The following WDFY4 variants were observed in gnomAD, a reference collection of about 807,000 sequenced individuals.
WDFY4 encodes the protein WDFY family member 4.
In WDFY4, 169 loss-of-function variants were observed where a neutral mutation model predicts 351.9. The observed-to-expected ratio is 0.48, with a 90% confidence interval of 0.42 to 0.55. The LOEUF (loss-of-function observed/expected upper bound fraction) is 0.55. Among genes scored for constraint, WDFY4 ranks in the 20% least tolerant of loss-of-function variants. WDFY4 has a pLI of 0.00. For missense variants in WDFY4, 3,803 were observed against 3,935.6 expected, an observed-to-expected ratio of 0.97 and a Z score of 0.90; for synonymous variants, 1,622 against 1,574.6, an observed-to-expected ratio of 1.03 and a Z score of -0.71.
intron 47 of WDFY4, among the ~76,000 whole-genome samples, chr10:48,907,804 A>T (rs1837698003): frequency 6.6e-6 from 1 of 152,212 alleles, no homozygotes; most frequent in Admixed American, 6.5e-5. Context: ...ACCACTGAGT[A>T]GAGAAGCATG....
chr10:48,917,509 G>T (rs773383507), intron 47 of WDFY4, among the ~76,000 whole-genome samples: 3 of 152,168 alleles, frequency 2.0e-5, no homozygotes, highest in Non-Finnish European at 4.4e-5. Context: ...GAACAATGAC[G>T]TATCACCCAC....
intron 12 of WDFY4, among the ~76,000 whole-genome samples, chr10:48,744,120 A>G (rs983260274): frequency 6.6e-6 from 1 of 152,162 alleles, no homozygotes; most frequent in Non-Finnish European, 1.5e-5. Context: ...TTTTCCTCTC[A>G]TGTCTGTAAC....
At chr10:48,856,173 G>A (rs2069125707) in intron 39 of WDFY4, among the ~76,000 whole-genome samples, 1 of 152,104 alleles carries the variant, frequency 6.6e-6, no homozygotes. Flanking sequence ...TCAATCTGTT[G>A]TAGTATGTTT....
intron 13 of WDFY4, among the ~76,000 whole-genome samples, chr10:48,770,696 G>A (rs1324666413): frequency 6.6e-6 from 1 of 152,232 alleles, no homozygotes; most frequent in Non-Finnish European, 1.5e-5. Flanking sequence ...GGATTTCCAT[G>A]GGGAAGAGTG....
chr10:48,923,957 C>A (rs770290788), intron 47 of WDFY4, among the ~76,000 whole-genome samples: 2 of 152,176 alleles, frequency 1.3e-5, no homozygotes, highest in Non-Finnish European at 2.9e-5. Context: ...ACAGCCCACC[C>A]ACACTGTGAG....
Position 48,743,101 on chromosome 10 carries a change from C to A in WDFY4, c.2012C>A (p.Ala671Glu), listed in dbSNP as rs570610093. The A allele has an allele frequency of 6.4e-7, 1 of 1,551,706 alleles. No individual in the cohort carries two copies. The highest frequency in any genetic ancestry group is 8.7e-7 in the Non-Finnish European group (1 of 1,146,988). ...GAGCCCCCGCTGCAGGCATGGGGAGCAGTATCCCCCAGACAGACCCTGGAG... is the reference window on the plus strand; with the variant it reads ...GAGCCCCCGCTGCAGGCATGGGGAGAAGTATCCCCCAGACAGACCCTGGAG... Reference protein sequence around the residue: ...LQEPPLQAWGAVSPRQTLELV... With the variant: ...LQEPPLQAWGEVSPRQTLELV... The change falls in exon 12 of 62, where the codon GCA becomes GAA. Residue 671 changes from alanine (A) to glutamate (E), a missense_variant. This residue lies in a region of WDFY4 where 3,054 missense variants were observed against 3,148.6 expected (regional missense o/e 0.97). Transcript: ENST00000325239.
chr10:48,765,795 A>G (rs992723355), intron 13 of WDFY4, among the ~76,000 whole-genome samples: 2 of 152,232 alleles, frequency 1.3e-5, no homozygotes, highest in Non-Finnish European at 2.9e-5. Flanking sequence ...GACTATTGTC[A>G]TCCTCAGTCT....
At chr10:48,700,620 G>A (rs372835181) in intron 1 of WDFY4, among the ~76,000 whole-genome samples, 1 of 152,224 alleles carries the variant, frequency 6.6e-6, no homozygotes, top group African/African-American at 2.4e-5. Flanking sequence ...CCAGCTGCGT[G>A]AGCACGCCCA....
chr10:48,871,045 T>C (rs1035162637), intron 40 of WDFY4, among the ~76,000 whole-genome samples: 3 of 152,154 alleles, frequency 2.0e-5, no homozygotes, highest in Admixed American at 1.3e-4. Flanking sequence ...ACCATTCTCC[T>C]GCCTCAGCCT....
chr10:48,974,527 A>AAAAAAAC, intron 57 of WDFY4, among the ~76,000 whole-genome samples: 12 of 23,194 alleles, frequency 5.2e-4, no homozygotes, highest in African/African-American at 8.7e-4. Context: ...AAAAAAAAAA[A>AAAAAAAC]AACAACTCAT....
intron 7 of WDFY4, 35 bp from the exon 8 acceptor site, chr10:48,729,397 G>A: frequency 6.5e-7 from 1 of 1,548,498 alleles, no homozygotes; most frequent in East Asian, 2.4e-5. Flanking sequence ...CTCCATCTAG[G>A]AAGTACAGGG....
chr10:48,724,651 G>C (rs2064204144), intron 5 of WDFY4, among the ~76,000 whole-genome samples: 1 of 152,076 alleles, frequency 6.6e-6, no homozygotes, highest in Non-Finnish European at 1.5e-5. Flanking sequence ...CATTGCTCAA[G>C]GGTTTCTGTT....
At chr10:48,968,453 G>A (rs1264680587) in intron 55 of WDFY4, 2 of 152,892 alleles carry the variant, frequency 1.3e-5, no homozygotes, top group African/African-American at 2.4e-5. Flanking sequence ...TTCCTCCTGG[G>A]TGGTAGGGTC....
chr10:48,916,592 T>C (rs1838558607), intron 47 of WDFY4, among the ~76,000 whole-genome samples: 1 of 152,082 alleles, frequency 6.6e-6, no homozygotes, highest in South Asian at 2.1e-4. Flanking sequence ...TGCAACAGAT[T>C]TAGAAAACAA....
intron 39 of WDFY4, among the ~76,000 whole-genome samples, chr10:48,852,966 C>T (rs749666925): frequency 3.9e-5 from 6 of 152,158 alleles, no homozygotes; most frequent in South Asian, 4.1e-4. Context: ...TTTAATCACT[C>T]GTCTGAAATG....
At position 48,733,922 on chromosome 10, in the gene WDFY4, A is replaced by G. The variant is rs1378121665; in HGVS notation, c.1583-9A>G. 6.4e-7 allele frequency: 1 copy of G among 1,551,256 alleles called. No individual in the cohort carries two copies. The highest frequency in any genetic ancestry group is 8.7e-7 in the Non-Finnish European group (1 of 1,146,708). On this transcript the variant is annotated splice_polypyrimidine_tract_variant and intron_variant, in intron 9 of 61. Coordinates refer to ENST00000325239, the MANE Select transcript of WDFY4 (RefSeq NM_001394531.1). ...AATTTATTTTGTTATTTCTTCTTCA[A>G]TATGGCAGGAAACAAAGTGTCCACT...
chr10:48,806,081 A>T lies in WDFY4; in HGVS notation c.4724A>T (p.Asp1575Val). The change falls in exon 27 of 62, where the codon GAC (aspartate) becomes GTC (valine). Residue 1575 changes from aspartate to valine, a missense_variant. By Grantham distance (152) the Asp-to-Val change is radical (BLOSUM62 -3). Transcript: ENST00000325239. Reference sequence around the variant, plus strand: ...CAGATCTGCATGGACGGAGCCCTGGACCCTTCCCTGCCTGGTGAGAAGACC... The same window carrying T: ...CAGATCTGCATGGACGGAGCCCTGGTCCCTTCCCTGCCTGGTGAGAAGACC... ...ERQICMDGAL[D>V]PSLPAGSQTS... 1 of 1,551,468 alleles carries T rather than the reference A, an allele frequency of 6.4e-7. No individual in the cohort carries two copies. Among genetic ancestry groups the T allele is most frequent in the South Asian group, 1.2e-5 (1 of 84,050 alleles).
intron 47 of WDFY4, among the ~76,000 whole-genome samples, chr10:48,929,063 C>T (rs188270431): frequency 9.2e-5 from 14 of 152,236 alleles, no homozygotes; most frequent in African/African-American, 1.7e-4. Context: ...TTGGAAGATG[C>T]GCTTTTTTAG....
In WDFY4 at chr10:48,812,820, G is replaced by A. The variant is rs564815269; in HGVS notation, c.5214+1112G>A. On this transcript the variant is annotated intron_variant, in intron 30 of 61. Transcript: ENST00000325239. Reference sequence around the variant, plus strand: ...TTTCCAACCCAGCTGCAATTCACCCGCCCTCAGCTGTGAGTCTCCTAAATC... The same window carrying A: ...TTTCCAACCCAGCTGCAATTCACCCACCCTCAGCTGTGAGTCTCCTAAATC... Among the ~76,000 whole-genome samples, 171 of 151,970 alleles carry A rather than the reference G, an allele frequency of 1.1e-3. 1 individual carries two copies. The highest frequency in any genetic ancestry group is 2.0e-3 in the Non-Finnish European group (135 of 67,996).
Sources: allele counts gnomAD v4.1 joint callset (sites outside exome capture counted in the v4.1 genomes callset), GRCh38; gene constraint gnomAD v4.1.1; regional missense constraint gnomAD v4.1.1; transcripts MANE v1.5; gene names NCBI Gene and HGNC (gene_info 2026-07-23, HGNC 2026-07-21).